Variants in EVI5L observed in about 807,000 individuals in gnomAD.
The protein encoded by EVI5L is ecotropic viral integration site 5 like.
Under a neutral mutation model 106.1 loss-of-function variants are expected in EVI5L, and 30 were observed. The ratio of observed to expected loss-of-function variants is 0.28; its 90% CI spans 0.21 to 0.38. The LOEUF (loss-of-function observed/expected upper bound fraction) is 0.38. Among genes scored for constraint, EVI5L ranks in the 10% least tolerant of loss-of-function variants. EVI5L has a pLI of 1.00. For synonymous variants in EVI5L, 489 were observed against 483.3 expected, an observed-to-expected ratio of 1.01 and a Z score of -0.15; for missense variants, 809 against 1,098.0, an observed-to-expected ratio of 0.74 and a Z score of 3.72.
At chr19:7,854,023 T>G (rs1443825647) in intron 10 of EVI5L, among the ~76,000 whole-genome samples, 1 of 152,196 alleles carries the variant, frequency 6.6e-6, no homozygotes, top group Non-Finnish European at 1.5e-5. Context: ...GGCTCATGCA[T>G]GTAATCCCAG....
chr19:7,850,240 C>T lies in EVI5L; in HGVS notation c.753+118C>T. On this transcript the variant is annotated intron_variant, in intron 6 of 19. Coordinates refer to ENST00000538904, the MANE Select transcript of EVI5L (RefSeq NM_001159944.3). This position sits in a 1 kb window ranked among gnomAD's most constrained non-coding sequence, Gnocchi z 5.4. Reference sequence around the variant, plus strand: ...GGCACCCTAGACCATACCCGGGCACCTCTTGGACTGAAAATTCCAAGCCTG... The same window carrying T: ...GGCACCCTAGACCATACCCGGGCACTTCTTGGACTGAAAATTCCAAGCCTG... 10 of 1,397,638 alleles carry T rather than the reference C, an allele frequency of 7.2e-6. No homozygotes were observed. Among genetic ancestry groups the T allele is most frequent in the Non-Finnish European group, 9.5e-6 (10 of 1,055,868 alleles). The allele number at this position is 1,397,638 out of a possible 1,614,324, so 86.6% of individuals were successfully genotyped here.
chr19:7,857,451 T>G lies in EVI5L; in HGVS notation c.1233+327T>G. ...CTAAAACCATATTCACATAAGGCCC[T>G]GGTGTGTGCAGTGCTGCGGTCACAC... On this transcript the variant is annotated intron_variant, in intron 12 of 19. Transcript: ENST00000538904. The surrounding 1 kb of genome is among the most constrained non-coding windows in gnomAD (Gnocchi z 4.5). 3 of 525,736 alleles carry G rather than the reference T, an allele frequency of 5.7e-6. No homozygotes were observed. Among genetic ancestry groups the G allele is most frequent in the Non-Finnish European group, 1.0e-5 (3 of 289,054 alleles). The allele number at this position is 525,736 out of a possible 1,614,324, so 32.6% of individuals were successfully genotyped here. A position where few individuals can be genotyped will look rare whatever the true frequency, so the allele number is the denominator to read the frequency against.
rs568606721 is a variant in EVI5L, at chr19:7,850,183, G to A, written c.753+61G>A. ...GGCAGGGCCACAGGTGGGCAGGGCCGCAAGGGAGCAGGATCGCAGAAGGGC... is the reference window on the plus strand; with the variant it reads ...GGCAGGGCCACAGGTGGGCAGGGCCACAAGGGAGCAGGATCGCAGAAGGGC... On this transcript the variant is annotated intron_variant, in intron 6 of 19. Coordinates refer to ENST00000538904, the MANE Select transcript of EVI5L (RefSeq NM_001159944.3). The surrounding 1 kb of genome is among the most constrained non-coding windows in gnomAD (Gnocchi z 5.4). The A allele has an allele frequency of 4.4e-5, 69 of 1,552,792 alleles. No homozygotes were observed. In the South Asian group the frequency reaches 5.8e-4, roughly 13 times the overall value.
chr19:7,832,072 G>A (rs531560794), intron 1 of EVI5L, among the ~76,000 whole-genome samples: 4 of 152,326 alleles, frequency 2.6e-5, no homozygotes, highest in East Asian at 1.9e-4. Flanking sequence ...TAGAGGACCC[G>A]TGTCCCTGTG....
chr19:7,830,232 T>C lies in EVI5L; in HGVS notation c.-197T>C, dbSNP rs1196757757. 6.8e-6 allele frequency: 1 copy of C among 148,044 alleles called. No homozygotes were observed. The highest frequency in any genetic ancestry group is 2.0e-4 in the East Asian group (1 of 5,006). The allele number at this position is 148,044 out of a possible 1,614,324, so 9.2% of individuals were successfully genotyped here. On this transcript the variant is annotated 5_prime_UTR_variant, in exon 1 of 20. An upstream start codon of the reference 5' UTR is lost. Coordinates refer to ENST00000538904, the MANE Select transcript of EVI5L (RefSeq NM_001159944.3). ...CAGCGGCTCCTGTCAGCGGGTGAAA[T>C]GGCAGCGGCGGAGCCGGCGGCGGCC...
intron 1 of EVI5L, among the ~76,000 whole-genome samples, chr19:7,846,281 G>A (rs1035242605): frequency 6.6e-6 from 1 of 152,178 alleles, no homozygotes; most frequent in Non-Finnish European, 1.5e-5. Flanking sequence ...CAGACATCCG[G>A]CCTGATGACA....
chr19:7,855,140 G>T (rs867449155), intron 10 of EVI5L, among the ~76,000 whole-genome samples: 34 of 142,246 alleles, frequency 2.4e-4, no homozygotes, highest in Admixed American at 5.0e-4. Flanking sequence ...TTTTGGAGAT[G>T]GAGTCTTGCT....
rs1387224758 is a variant in EVI5L at position 7,850,189 on chromosome 19, G to C, written c.753+67G>C. 6.5e-7 allele frequency: 1 copy of C among 1,543,626 alleles called. No individual in the cohort carries two copies. Among genetic ancestry groups the C allele is most frequent in the Non-Finnish European group, 8.7e-7 (1 of 1,145,528 alleles). ...GCCACAGGTGGGCAGGGCCGCAAGG[G>C]AGCAGGATCGCAGAAGGGCAGGGCT... On this transcript the variant is annotated intron_variant, in intron 6 of 19. Coordinates refer to ENST00000538904, the MANE Select transcript of EVI5L (RefSeq NM_001159944.3). This position sits in a 1 kb window ranked among gnomAD's most constrained non-coding sequence, Gnocchi z 5.4.
Position 7,851,498 on chromosome 19 carries a change from C to T in EVI5L, c.818C>T (p.Ser273Leu), listed in dbSNP as rs1337450855. 3.1e-6 allele frequency: 5 copies of T among 1,613,604 alleles called. No individual in the cohort carries two copies. The highest frequency in any genetic ancestry group is 4.2e-6 in the Non-Finnish European group (5 of 1,179,778). The change falls in exon 7 of 20, where the codon TCG becomes TTG. Residue 273 changes from serine to leucine, a missense_variant. Ser to Leu is a moderately radical substitution (Grantham distance 145). This residue lies in a region of EVI5L where 357 missense variants were observed against 588.1 expected (regional missense o/e 0.61). Coordinates refer to ENST00000538904, the MANE Select transcript of EVI5L (RefSeq NM_001159944.3). Reference sequence around the variant, plus strand: ...AGCTTCCACACATCCATGTATGCCTCGTCCTGGTTCCTCACACTGTTCCTG... The same window carrying T: ...AGCTTCCACACATCCATGTATGCCTTGTCCTGGTTCCTCACACTGTTCCTG... ...SQSFHTSMYA[S>L]SWFLTLFLTT...
chr19:7,843,914 G>T (rs915900753), intron 1 of EVI5L, among the ~76,000 whole-genome samples: 2 of 152,016 alleles, frequency 1.3e-5, no homozygotes, highest in African/African-American at 4.8e-5. Flanking sequence ...GGATCAGAAG[G>T]TTCCTGCCTC....
rs1979173011 is a variant in EVI5L at position 7,850,205 on chromosome 19, G to A, written c.753+83G>A. 1 of 1,515,094 alleles carries A rather than the reference G, an allele frequency of 6.6e-7. No homozygotes were observed. The highest frequency in any genetic ancestry group is 8.8e-7 in the Non-Finnish European group (1 of 1,130,814). The allele number at this position is 1,515,094 out of a possible 1,614,324, so 93.9% of individuals were successfully genotyped here. On this transcript the variant is annotated intron_variant, in intron 6 of 19. Coordinates refer to ENST00000538904, the MANE Select transcript of EVI5L (RefSeq NM_001159944.3). The surrounding 1 kb of genome is among the most constrained non-coding windows in gnomAD (Gnocchi z 5.4). Reference sequence around the variant, plus strand: ...GCCGCAAGGGAGCAGGATCGCAGAAGGGCAGGGCTGGCACCCTAGACCATA... The same window carrying A: ...GCCGCAAGGGAGCAGGATCGCAGAAAGGCAGGGCTGGCACCCTAGACCATA...
At chr19:7,838,407 A>C (rs991365046) in intron 1 of EVI5L, among the ~76,000 whole-genome samples, 4 of 152,138 alleles carry the variant, frequency 2.6e-5, no homozygotes, top group African/African-American at 9.7e-5. Flanking sequence ...CACCATGCCC[A>C]GCCACTCTGG....
chr19:7,859,672 A>G (rs528724838), intron 13 of EVI5L, among the ~76,000 whole-genome samples: 22 of 152,340 alleles, frequency 1.4e-4, no homozygotes, highest in African/African-American at 5.1e-4. Context: ...CACCCACTGC[A>G]TGAGGCCGCC....
At chr19:7,861,448 A>T (rs936338931) in intron 14 of EVI5L, among the ~76,000 whole-genome samples, 1 of 152,212 alleles carries the variant, frequency 6.6e-6, no homozygotes, top group Admixed American at 6.5e-5. Flanking sequence ...GGACACCAGG[A>T]CAGGGCCAAG....
chr19:7,844,382 G>C (rs965320009), intron 1 of EVI5L, among the ~76,000 whole-genome samples: 4 of 151,032 alleles, frequency 2.6e-5, no homozygotes, highest in Admixed American at 1.3e-4. Flanking sequence ...GGCTCGGGCA[G>C]AGATTGGGTG....
In EVI5L at chr19:7,845,034, A is replaced by G. The variant is rs1031979799; in HGVS notation, c.-47-1462A>G. Among the ~76,000 whole-genome samples the G allele has an allele frequency of 6.6e-6, 1 of 152,014 alleles. No individual in the cohort carries two copies. Among genetic ancestry groups the G allele is most frequent in the African/African-American group, 2.4e-5 (1 of 41,362 alleles). On this transcript the variant is annotated intron_variant, in intron 1 of 19. Transcript: ENST00000538904. This position sits in a 1 kb window ranked among gnomAD's most constrained non-coding sequence, Gnocchi z 4.0. Reference sequence around the variant, plus strand: ...TCAGGCAGGTATAGAGTGGTCTGCTATGGTCCCGCCAATGTCCCCCTGCTG... The same window carrying G: ...TCAGGCAGGTATAGAGTGGTCTGCTGTGGTCCCGCCAATGTCCCCCTGCTG...
rs1205571728 is a variant in EVI5L, at chr19:7,857,411, G to C, written c.1233+287G>C. On this transcript the variant is annotated intron_variant, in intron 12 of 19. Coordinates refer to ENST00000538904, the MANE Select transcript of EVI5L (RefSeq NM_001159944.3). This position sits in a 1 kb window ranked among gnomAD's most constrained non-coding sequence, Gnocchi z 4.5. ...CCGGGCGACACAGGGTGGGGACCCA[G>C]GAGGGCTGGGGAACCTAAAACCATA... The C allele has an allele frequency of 1.7e-6, 1 of 579,534 alleles. No homozygotes were observed. Among genetic ancestry groups the C allele is most frequent in the Non-Finnish European group, 3.1e-6 (1 of 323,708 alleles). The allele number at this position is 579,534 out of a possible 1,614,324, so 35.9% of individuals were successfully genotyped here.
In EVI5L at chr19:7,846,632, C is replaced by G; in HGVS notation, c.90C>G (p.Leu30=). 6.2e-7 allele frequency: 1 copy of G among 1,613,830 alleles called. No homozygotes were observed. The highest frequency in any genetic ancestry group is 8.5e-7 in the Non-Finnish European group (1 of 1,179,964). ...CCCCAACCTCTGACTCCGAGAACCT[C>G]AGCCCCGATGAGCTGGAGCTGCTGG... ...TCSPTSDSEN[L]SPDELELLAK... The change falls in exon 2 of 20, where the codon CTC becomes CTG. Residue 30 remains leucine, a synonymous_variant. Coordinates refer to ENST00000538904, the MANE Select transcript of EVI5L (RefSeq NM_001159944.3).
chr19:7,854,047 G>A (rs1008241237), intron 10 of EVI5L, among the ~76,000 whole-genome samples: 2 of 151,988 alleles, frequency 1.3e-5, no homozygotes, highest in African/African-American at 4.8e-5. Context: ...TTTGGGAGGC[G>A]GAGGCAGGTG....
Sources: gnomAD v4.1 joint callset for allele counts (sites outside exome capture counted in the v4.1 genomes callset) on GRCh38, gnomAD v4.1.1 for gene constraint, gnomAD v4.1.1 regional missense constraint, Gnocchi (gnomAD v3.1) non-coding constraint, MANE v1.5 for transcripts, NCBI Gene and HGNC (gene_info 2026-07-23, HGNC 2026-07-21) for gene names.